Variants in TJP1 observed in about 807,000 individuals in gnomAD.
TJP1 encodes tight junction protein ZO-1.
TJP1 carries 43 observed loss-of-function variants against 194.2 expected under a neutral mutation model. The observed-to-expected ratio is 0.22, with a 90% confidence interval of 0.17 to 0.29. TJP1 has a LOEUF of 0.29. Ranked by LOEUF, TJP1 falls within the 10% of genes least tolerant of loss-of-function variation. The pLI is 1.00. For synonymous variants in TJP1, 801 were observed against 779.0 expected (o/e 1.03, Z -0.47); for missense variants, 1,971 against 2,185.7 (o/e 0.90, Z 1.96).
At chr15:29,741,229 C>T (rs1404853180) in intron 10 of TJP1, 102 bp downstream of exon 10, 10 of 820,538 alleles carry the variant, frequency 1.2e-5, no homozygotes, top group Non-Finnish European at 1.9e-5. Context: ...GTGGTATGTA[C>T]TATTTTAAAA....
intron 1 of TJP1, among the ~76,000 whole-genome samples, chr15:29,816,946 TA>T (rs1567088861): frequency 1.3e-5 from 2 of 151,962 alleles, no homozygotes; most frequent in Admixed American, 6.6e-5. Context: ...CAACAAAAGC[TA>T]AAATTGACAA....
exon 1 of TJP1, chr15:29,968,884 C>CCCGCGCCCG (rs1009771847): frequency 1.5e-5 from 5 of 342,782 alleles, no homozygotes; most frequent in Non-Finnish European, 2.1e-5. Context: ...TCCCACCGCT[C>CCCGCGCCCG]CCGCGCCCGC....
intron 2 of TJP1, among the ~76,000 whole-genome samples, chr15:29,877,366 A>G (rs2052740666): frequency 6.6e-6 from 1 of 152,078 alleles, no homozygotes; most frequent in Admixed American, 6.5e-5. Context: ...GCAGATGTGC[A>G]CCACCACACC....
intron 2 of TJP1, among the ~76,000 whole-genome samples, chr15:29,883,024 A>T (rs1000972086): frequency 2.1e-4 from 32 of 152,154 alleles, no homozygotes; most frequent in African/African-American, 7.5e-4. Flanking sequence ...GAAAGAGCTA[A>T]CCTAATTAAC....
chr15:29,876,387 G>A (rs901535449), intron 2 of TJP1, among the ~76,000 whole-genome samples: 1 of 152,080 alleles, frequency 6.6e-6, no homozygotes, highest in Non-Finnish European at 1.5e-5. Context: ...CAGGCGTGGT[G>A]GTGCATGTCT....
intron 2 of TJP1, among the ~76,000 whole-genome samples, chr15:29,871,018 A>G (rs2052498340): frequency 6.6e-6 from 1 of 152,178 alleles, no homozygotes; most frequent in South Asian, 2.1e-4. Context: ...CACCTCCTCA[A>G]CGCTAGCTGG....
chr15:29,841,879 T>C (rs972652297), intron 2 of TJP1, among the ~76,000 whole-genome samples: 1 of 152,224 alleles, frequency 6.6e-6, no homozygotes, highest in South Asian at 2.1e-4. Flanking sequence ...GTATGTACTA[T>C]ACATAATAAA....
intron 15 of TJP1, chr15:29,730,850 AAAG>A (rs1378800202): frequency 1.8e-6 from 2 of 1,112,854 alleles, no homozygotes; most frequent in East Asian, 2.3e-5. Flanking sequence ...AGGCCCCTGC[AAAG>A]AAGGGAGAGA....
At chr15:29,942,027 G>T (rs2055099050) in intron 2 of TJP1, among the ~76,000 whole-genome samples, 1 of 152,084 alleles carries the variant, frequency 6.6e-6, no homozygotes, top group African/African-American at 2.4e-5. Flanking sequence ...AGACAGAGAG[G>T]GTCAAGCAAA....
intron 2 of TJP1, among the ~76,000 whole-genome samples, chr15:29,871,301 G>A (rs866016159): frequency 6.6e-6 from 1 of 152,196 alleles, no homozygotes; most frequent in South Asian, 2.1e-4. Context: ...ATTAATAAAC[G>A]TGCAAACGTT....
At chr15:29,849,770 G>T (rs2152080639) in intron 2 of TJP1, among the ~76,000 whole-genome samples, 1 of 151,682 alleles carries the variant, frequency 6.6e-6, no homozygotes. Context: ...AAGAGACAAG[G>T]TCTCATATTG....
intron 2 of TJP1, among the ~76,000 whole-genome samples, chr15:29,785,125 A>G (rs2047619960): frequency 6.6e-6 from 1 of 152,232 alleles, no homozygotes; most frequent in Non-Finnish European, 1.5e-5. Flanking sequence ...GTATGTTTAC[A>G]TGAGAAAATG....
intron 25 of TJP1, among the ~76,000 whole-genome samples, chr15:29,707,125 C>T (rs1246150111): frequency 6.6e-6 from 1 of 152,052 alleles, no homozygotes; most frequent in African/African-American, 2.4e-5. Context: ...TTCCAAGGTT[C>T]CATGAGGCGA....
chr15:29,705,692 G>A lies in TJP1; in HGVS notation c.4904C>T (p.Thr1635Ile), dbSNP rs2041852239. The A allele has an allele frequency of 6.2e-7, 1 of 1,614,152 alleles. No homozygotes were observed. The highest frequency in any genetic ancestry group is 1.3e-5 in the African/African-American group (1 of 75,036). ...ATTGCTGTTAAATATGCCTCGGGCT[G>A]TGGCCACCACAGTATGACCATCTTC... ...EDEDGHTVVA[T>I]ARGIFNSNGG... Residue 1635 changes from threonine to isoleucine, a missense_variant, in exon 26 of 28, where the codon ACA (threonine) becomes ATA (isoleucine). Thr to Ile is a moderately conservative substitution (Grantham distance 89, BLOSUM62 -1). Coordinates refer to ENST00000614355, the MANE Select transcript of TJP1 (RefSeq NM_001330239.4).
At chr15:29,881,062 A>G (rs1421690509) in intron 2 of TJP1, among the ~76,000 whole-genome samples, 1 of 152,184 alleles carries the variant, frequency 6.6e-6, no homozygotes, top group Non-Finnish European at 1.5e-5. Flanking sequence ...ACAGTGCACA[A>G]TGCAAGGGCT....
chr15:29,834,780 C>T (rs1410483038), intron 2 of TJP1, among the ~76,000 whole-genome samples: 2 of 152,096 alleles, frequency 1.3e-5, no homozygotes, highest in East Asian at 1.9e-4. Flanking sequence ...CCGGCAGAAA[C>T]CAGGGTCCCC....
intron 8 of TJP1, among the ~76,000 whole-genome samples, chr15:29,745,734 C>T (rs1417637998): frequency 2.0e-5 from 3 of 152,146 alleles, no homozygotes; most frequent in South Asian, 2.1e-4. Context: ...GCCATGTTTT[C>T]GCAGGCAAAT....
At chr15:29,955,771 A>AG (rs2055915457) in intron 2 of TJP1, among the ~76,000 whole-genome samples, 1 of 149,254 alleles carries the variant, frequency 6.7e-6, no homozygotes, top group Non-Finnish European at 1.5e-5. Flanking sequence ...AAAAAAAAAA[A>AG]AAAAAAAAAA....
chr15:29,798,796 T>C (rs888123789), intron 2 of TJP1, among the ~76,000 whole-genome samples: 2 of 152,206 alleles, frequency 1.3e-5, no homozygotes, highest in African/African-American at 4.8e-5. Context: ...CACACAATTA[T>C]ACATTCATAC....
Sources: allele counts gnomAD v4.1 joint callset (sites outside exome capture counted in the v4.1 genomes callset), GRCh38; gene constraint gnomAD v4.1.1; transcripts MANE v1.5; gene names NCBI Gene and HGNC (gene_info 2026-07-23, HGNC 2026-07-21).